RPTOR: variants seen among roughly 807,000 people sequenced by gnomAD.
RPTOR encodes regulatory-associated protein of mTOR.
Under a neutral mutation model 169.9 loss-of-function variants are expected in RPTOR, and 21 were observed. That is an observed-to-expected ratio of 0.12 (90% CI 0.09 to 0.18). The LOEUF is 0.18. Among genes scored for constraint, RPTOR ranks in the 10% least tolerant of loss-of-function variants. RPTOR has a pLI of 1.00. For synonymous variants in RPTOR, 732 were observed against 753.2 expected (o/e 0.97, Z 0.46); for missense variants, 1,133 against 1,855.9 (o/e 0.61, Z 7.16).
intron 29 of RPTOR, among the ~76,000 whole-genome samples, chr17:80,958,688 C>T (rs2069292171): frequency 6.6e-6 from 1 of 152,152 alleles, no homozygotes. Context: ...GCTGGGATTA[C>T]AGGCGTGAGC....
chr17:80,680,066 G>A (rs182887983), intron 3 of RPTOR, among the ~76,000 whole-genome samples: 1 of 147,184 alleles, frequency 6.8e-6, no homozygotes, highest in South Asian at 2.1e-4. Context: ...ACCCCCAAGT[G>A]GGTCACAGTT....
At chr17:80,603,758 T>C (rs1396780178) in intron 1 of RPTOR, among the ~76,000 whole-genome samples, 2 of 152,158 alleles carry the variant, frequency 1.3e-5, no homozygotes, top group Admixed American at 1.3e-4. Context: ...GGTAGACCAA[T>C]ACAAGGTAGT....
chr17:80,799,730 G>A (rs576217151), intron 7 of RPTOR, among the ~76,000 whole-genome samples: 90 of 146,876 alleles, frequency 6.1e-4, no homozygotes, highest in East Asian at 2.6e-3. Flanking sequence ...CCTGGCGGCC[G>A]CCCTGCACAC....
Position 80,957,520 on chromosome 17 carries a change from G to A in RPTOR, c.3371-104G>A. The A allele has an allele frequency of 9.9e-7, 1 of 1,011,628 alleles. No homozygotes were observed. Among genetic ancestry groups the A allele is most frequent in the Non-Finnish European group, 1.6e-6 (1 of 638,984 alleles). The allele number at this position is 1,011,628 out of a possible 1,614,324, so 62.7% of individuals were successfully genotyped here. A position where few individuals can be genotyped will look rare whatever the true frequency, so the allele number is the denominator to read the frequency against. ...ACCAGATGGGCTCGATGGTGGCAGG[G>A]GTACCTTGTAGCTGCTGGCCAAATT... On this transcript the variant is annotated intron_variant, in intron 28 of 33. Transcript: ENST00000306801. The surrounding 1 kb of genome is among the most constrained non-coding windows in gnomAD (Gnocchi z 4.6).
intron 25 of RPTOR, among the ~76,000 whole-genome samples, chr17:80,944,062 C>T (rs904972914): frequency 1.4e-4 from 22 of 152,208 alleles, no homozygotes; most frequent in African/African-American, 5.1e-4. Context: ...ATCCATCTTG[C>T]GCCCTCTGCA....
chr17:80,719,146 G>A (rs76107775), intron 4 of RPTOR, among the ~76,000 whole-genome samples: 2,090 of 152,230 alleles, frequency 0.014, 42 homozygotes, highest in African/African-American at 0.048. Context: ...TGCTGCGGGC[G>A]GTTCCCAAAA....
intron 3 of RPTOR, among the ~76,000 whole-genome samples, chr17:80,676,454 C>T (rs192398480): frequency 6.0e-5 from 9 of 149,756 alleles, no homozygotes; most frequent in African/African-American, 1.5e-4. Flanking sequence ...GGCATCAGGG[C>T]CCCCGGGACC....
chr17:80,920,734 G>A (rs1170400035), intron 21 of RPTOR, among the ~76,000 whole-genome samples: 6 of 152,248 alleles, frequency 3.9e-5, no homozygotes, highest in African/African-American at 9.6e-5. Flanking sequence ...GAGCATGTGT[G>A]GGTTTTGCTA....
chr17:80,966,117 A>ACCCCCCCCCCCCCCCCCCCCCCCC lies in RPTOR; in HGVS notation c.*1796_*1797insCCCCCCCCCCCCCCCCCCCCCCCC, dbSNP rs55752459. 1.1e-5 allele frequency: 2 copies of ACCCCCCCCCCCCCCCCCCCCCCCC among 175,610 alleles called. No homozygotes were observed. The highest frequency in any genetic ancestry group is 1.1e-5 in the Non-Finnish European group (1 of 93,008). 10.9% of individuals were successfully genotyped at this position (175,610 alleles called of 1,614,324 possible). The stretch of plus-strand genomic sequence containing the variant: ...GGCAGGTGGCTCCAGAGGGGTCAAG[A>ACCCCCCCCCCCCCCCCCCCCCCCC]CCCCCCCCCGCCCCCGCTCCACCCT... On this transcript the variant is annotated 3_prime_UTR_variant, in exon 34 of 34. Transcript: ENST00000306801.
chr17:80,944,278 A>G (rs1386861572), intron 25 of RPTOR, among the ~76,000 whole-genome samples: 5 of 152,184 alleles, frequency 3.3e-5, no homozygotes, highest in Middle Eastern at 3.2e-3. Context: ...TTTGGCTGCA[A>G]TGTGGATCCT....
intron 7 of RPTOR, chr17:80,805,068 G>A (rs1193921407): frequency 6.6e-6 from 1 of 152,170 alleles, no homozygotes; most frequent in Non-Finnish European, 1.5e-5. Context: ...GTCTTTCCTA[G>A]GGTGTTTTAA....
intron 3 of RPTOR, among the ~76,000 whole-genome samples, chr17:80,674,770 A>G (rs1009358873): frequency 5.2e-5 from 7 of 134,232 alleles, no homozygotes; most frequent in Admixed American, 4.4e-4. Flanking sequence ...CCTGGGCAAC[A>G]GAGCAAGACT....
intron 10 of RPTOR, among the ~76,000 whole-genome samples, chr17:80,841,836 G>A (rs74217074): frequency 4.8e-5 from 5 of 104,052 alleles, no homozygotes; most frequent in Non-Finnish European, 7.6e-5. Flanking sequence ...CTCACCGCAC[G>A]GCAGCTCACA....
chr17:80,924,384 G>A (rs936547062), intron 23 of RPTOR, among the ~76,000 whole-genome samples: 1 of 152,144 alleles, frequency 6.6e-6, no homozygotes, highest in African/African-American at 2.4e-5. Context: ...GCAATGAGTG[G>A]GGTCCGGGGC....
At chr17:80,808,086 G>A (rs1040322382) in intron 7 of RPTOR, among the ~76,000 whole-genome samples, 1 of 151,906 alleles carries the variant, frequency 6.6e-6, no homozygotes, top group African/African-American at 2.4e-5. Context: ...CTTGAGGCCA[G>A]GAGTTCAAGA....
rs1281325659 is a variant in RPTOR, at chr17:80,959,228, G to T, written c.3478-850G>T. ...TCATGGCACCTTCTTTGGGGTGGGG[G>T]GGTCTTGCACCTGTCTGGAGCTGTG... On this transcript the variant is annotated intron_variant, in intron 29 of 33. Coordinates refer to ENST00000306801, the MANE Select transcript of RPTOR (RefSeq NM_020761.3). This position sits in a 1 kb window ranked among gnomAD's most constrained non-coding sequence, Gnocchi z 6.7. 6.6e-6 allele frequency among the ~76,000 whole-genome samples: 1 copy of T among 152,198 alleles called. No individual in the cohort carries two copies. Among genetic ancestry groups the T allele is most frequent in the African/African-American group, 2.4e-5 (1 of 41,448 alleles).
chr17:80,877,782 T>C (rs1280865740), intron 13 of RPTOR, among the ~76,000 whole-genome samples: 1 of 152,200 alleles, frequency 6.6e-6, no homozygotes, highest in Admixed American at 6.5e-5. Flanking sequence ...AACTGCCTGC[T>C]TAATTGGCCT....
At chr17:80,634,614 CTG>C (rs1247270737) in intron 2 of RPTOR, among the ~76,000 whole-genome samples, 2 of 16,176 alleles carry the variant, frequency 1.2e-4, no homozygotes, top group Admixed American at 7.9e-4. Context: ...TGTGTGTGTA[CTG>C]TGTGCGTGTG....
intron 24 of RPTOR, among the ~76,000 whole-genome samples, chr17:80,937,215 T>G (rs2068965692): frequency 6.6e-6 from 1 of 152,192 alleles, no homozygotes; most frequent in African/African-American, 2.4e-5. Flanking sequence ...TCTTTTCCCA[T>G]GGGTGCCTCT....
Sources: gnomAD v4.1 joint callset for allele counts (sites outside exome capture counted in the v4.1 genomes callset) on GRCh38, gnomAD v4.1.1 for gene constraint, Gnocchi (gnomAD v3.1) non-coding constraint, MANE v1.5 for transcripts, NCBI Gene and HGNC (gene_info 2026-07-23, HGNC 2026-07-21) for gene names.